ZNF74: variants seen among roughly 807,000 people sequenced by gnomAD.
ZNF74 encodes zinc finger protein 520.
In ZNF74, 12 loss-of-function variants were observed where a neutral mutation model predicts 17.7. That is an observed-to-expected ratio of 0.68 (90% CI 0.43 to 1.10). The LOEUF (loss-of-function observed/expected upper bound fraction) is 1.10. Among genes scored for constraint, ZNF74 ranks in the 50% least tolerant of loss-of-function variants. The probability of loss-of-function intolerance (pLI) is 0.00; values close to 1 mark genes in which losing one functional copy is unlikely to be tolerated. For synonymous variants in ZNF74, 358 were observed against 362.1 expected (o/e 0.99, Z 0.13); for missense variants, 811 against 881.0 (o/e 0.92, Z 1.01).
Position 20,406,245 on chromosome 22 carries a change from C to T in ZNF74, c.1212C>T (p.Thr404=), listed in dbSNP as rs1445115056. The T allele has an allele frequency of 1.2e-5, 20 of 1,612,314 alleles. No homozygotes were observed. The highest frequency in any genetic ancestry group is 1.7e-5 in the Non-Finnish European group (20 of 1,179,888). ...CCTTCACCTGCCACTCATCCCTCAC[C>T]GTGCATGAGAAGATCCACAGCGGGG... ...GKAFTCHSSL[T]VHEKIHSGDK... The change falls in exon 5 of 5, where the codon ACC becomes ACT. Residue 404 remains threonine, a synonymous_variant. Coordinates refer to ENST00000400451, the MANE Select transcript of ZNF74 (RefSeq NM_003426.4).
At position 20,400,672 on chromosome 22, in the gene ZNF74, A is replaced by G; in HGVS notation, c.161A>G (p.Gln54Arg). The change falls in exon 3 of 5, where the codon CAG becomes CGG. Residue 54 changes from glutamine to arginine, a missense_variant. Physicochemically the swap from Gln to Arg is conservative, Grantham distance 43. Coordinates refer to ENST00000400451, the MANE Select transcript of ZNF74 (RefSeq NM_003426.4). ...SFKDVAVDFT[Q>R]EEWGQLDSPQ... ...AAGGATGTGGCTGTGGACTTCACCC[A>G]GGAGGAGTGGGGTCAACTAGACTCC... The G allele has an allele frequency of 6.2e-7, 1 of 1,614,140 alleles. No individual in the cohort carries two copies. The highest frequency in any genetic ancestry group is 8.5e-7 in the Non-Finnish European group (1 of 1,179,990).
intron 1 of ZNF74, 59 bp downstream of exon 1, chr22:20,394,721 C>G (rs956066042): frequency 9.1e-6 from 14 of 1,531,970 alleles, no homozygotes; most frequent in Non-Finnish European, 1.3e-5. Flanking sequence ...GATATTGACA[C>G]TCAGAGAGAT....
At position 20,406,870 on chromosome 22, in the gene ZNF74, G is replaced by C. The variant is rs752701080; in HGVS notation, c.1837G>C (p.Val613Leu). The C allele has an allele frequency of 1.2e-6, 2 of 1,614,088 alleles. No homozygotes were observed. The highest frequency in any genetic ancestry group is 3.3e-5 in the Admixed American group (2 of 60,030). Residue 613 changes from valine (V) to leucine (L), a missense_variant, in exon 5 of 5, where the codon GTG becomes CTG. Transcript: ENST00000400451. ...TGCAGGGGATGCTGGACTGAGGGAC[G>C]TGGATCCCATCGACGCGCTGGATGT... ...LGAGDAGLRD[V>L]DPIDALDVAK...
intron 4 of ZNF74, among the ~76,000 whole-genome samples, chr22:20,403,792 C>T (rs575505156): frequency 1.6e-4 from 25 of 152,262 alleles, no homozygotes; most frequent in East Asian, 1.5e-3. Context: ...CCCCGCCCCC[C>T]GTCAAGACAC....
In ZNF74 at chr22:20,395,325, T is replaced by C. The variant is rs1310380503; in HGVS notation, c.35-8T>C. ...AGCCGTGACCTTGACTCATTTCTCCTTCGCCAGCTCTTTCCTCTCAGGATC... is the reference window on the plus strand; with the variant it reads ...AGCCGTGACCTTGACTCATTTCTCCCTCGCCAGCTCTTTCCTCTCAGGATC... On this transcript the variant is annotated splice_region_variant and splice_polypyrimidine_tract_variant and intron_variant, in intron 1 of 4. Transcript: ENST00000400451. The C allele has an allele frequency of 6.3e-7, 1 of 1,592,136 alleles. No individual in the cohort carries two copies. The highest frequency in any genetic ancestry group is 2.3e-5 in the East Asian group (1 of 44,232).
Position 20,406,374 on chromosome 22 carries a change from C to T in ZNF74, c.1341C>T (p.Ala447=), listed in dbSNP as rs1163257075. 2.0e-5 allele frequency: 32 copies of T among 1,613,422 alleles called. No individual in the cohort carries two copies. The highest frequency in any genetic ancestry group is 2.7e-5 in the Non-Finnish European group (32 of 1,179,880). ...CGGGCGAGAAGCCCTTCAAGTGCGC[C>T]GACTGCGGGAAGGGCTTCAGCTGCC... The part of the protein sequence containing the change: ...THTGEKPFKC[A]DCGKGFSCHA... The change falls in exon 5 of 5, where the codon GCC becomes GCT. Residue 447 remains alanine (A), a synonymous_variant. Transcript: ENST00000400451.
At position 20,395,725 on chromosome 22, in the gene ZNF74, C is replaced by T. The variant is rs573309674; in HGVS notation, c.120+307C>T. Among the ~76,000 whole-genome samples, 20 of 152,298 alleles carry T rather than the reference C, an allele frequency of 1.3e-4. 1 individual carries two copies. The highest frequency in any genetic ancestry group is 3.3e-4 in the Admixed American group (5 of 15,298). ...TAGTGGAATCTGAGAAAGTAGTTGA[C>T]GGCTCACATGGGGTCGCTTTGCCTA... On this transcript the variant is annotated intron_variant, in intron 2 of 4. Coordinates refer to ENST00000400451, the MANE Select transcript of ZNF74 (RefSeq NM_003426.4).
chr22:20,404,028 C>T (rs948622569), intron 4 of ZNF74, among the ~76,000 whole-genome samples: 8 of 152,208 alleles, frequency 5.3e-5, no homozygotes, highest in African/African-American at 1.7e-4. Context: ...GTTCCACTTG[C>T]CCTGCTCTTC....
chr22:20,399,309 A>G (rs1245107544), intron 2 of ZNF74, among the ~76,000 whole-genome samples: 1 of 151,892 alleles, frequency 6.6e-6, no homozygotes, highest in African/African-American at 2.4e-5. Context: ...TTTTATCATT[A>G]TGTAATATTC....
At position 20,406,748 on chromosome 22, in the gene ZNF74, C is replaced by T; in HGVS notation, c.1715C>T (p.Thr572Ile). 1.9e-6 allele frequency: 3 copies of T among 1,614,154 alleles called. No homozygotes were observed. The highest frequency in any genetic ancestry group is 2.5e-6 in the Non-Finnish European group (3 of 1,180,030). ...ATGTTCAACTGGAGCTCGCACCTCA[C>T]TGAGCACCAGAGGCTGCACAGCGAG... ...GEMFNWSSHL[T>I]EHQRLHSEGK... The change falls in exon 5 of 5, where the codon ACT becomes ATT. Residue 572 changes from threonine to isoleucine, a missense_variant. Coordinates refer to ENST00000400451, the MANE Select transcript of ZNF74 (RefSeq NM_003426.4).
chr22:20,400,599 C>A (rs1304410213), intron 2 of ZNF74, 33 bp from the exon 3 acceptor site: 1 of 1,613,760 alleles, frequency 6.2e-7, no homozygotes. Flanking sequence ...GACACAGAAT[C>A]AGTCCTGGGT....
chr22:20,405,641 A>T lies in ZNF74; in HGVS notation c.608A>T (p.Asn203Ile). ...GGACCCTTGCTGGACACACGCAAGA[A>T]CGTCCAGGCCACTGAGGGCAGAACC... ...EGGPLLDTRK[N>I]VQATEGRTKA... Residue 203 changes from asparagine to isoleucine, a missense_variant, in exon 5 of 5, where the codon AAC becomes ATC. By Grantham distance (149) the Asn-to-Ile change is moderately radical. Transcript: ENST00000400451. The T allele has an allele frequency of 6.2e-7, 1 of 1,613,130 alleles. No homozygotes were observed. The highest frequency in any genetic ancestry group is 8.5e-7 in the Non-Finnish European group (1 of 1,179,606).
chr22:20,405,747 G>T lies in ZNF74; in HGVS notation c.714G>T (p.Gln238His). ...AAAAGTTCCCCCAGGTGCGCCGGCA[G>T]CGCGGGGCGGGCGCCGGGGAGGGCG... ...EPEKFPQVRR[Q>H]RGAGAGEGEF... Residue 238 changes from glutamine (Q) to histidine (H), a missense_variant, in exon 5 of 5, where the codon CAG (glutamine) becomes CAT (histidine). By Grantham distance (24) the Gln-to-His change is conservative. This residue lies in a region of ZNF74 where 666 missense variants were observed against 702.3 expected (regional missense o/e 0.95). Coordinates refer to ENST00000400451, the MANE Select transcript of ZNF74 (RefSeq NM_003426.4). 6.9e-6 allele frequency: 11 copies of T among 1,604,920 alleles called. No homozygotes were observed. The highest frequency in any genetic ancestry group is 9.4e-6 in the Non-Finnish European group (11 of 1,176,310).
rs117562299 is a variant in ZNF74, at chr22:20,401,223, C to A, written c.248-54C>A. On this transcript the variant is annotated intron_variant, in intron 3 of 4. Coordinates refer to ENST00000400451, the MANE Select transcript of ZNF74 (RefSeq NM_003426.4). The surrounding 1 kb of genome is among the most constrained non-coding windows in gnomAD (Gnocchi z 4.2). Reference sequence around the variant, plus strand: ...CTTGTTAGGGGGCGGCCTGTAAGGTCGACTGGGCCTGGAGAGCTGCAGCAT... The same window carrying A: ...CTTGTTAGGGGGCGGCCTGTAAGGTAGACTGGGCCTGGAGAGCTGCAGCAT... 7 of 1,284,236 alleles carry A rather than the reference C, an allele frequency of 5.5e-6. No individual in the cohort carries two copies. Among genetic ancestry groups the A allele is most frequent in the Middle Eastern group, 1.8e-4 (1 of 5,412 alleles). The allele number at this position is 1,284,236 out of a possible 1,614,324, so 79.6% of individuals were successfully genotyped here. A position where few individuals can be genotyped will look rare whatever the true frequency, so the allele number is the denominator to read the frequency against.
At chr22:20,400,846 C>A in intron 3 of ZNF74, 88 bp downstream of exon 3, 1 of 1,483,426 alleles carries the variant, frequency 6.7e-7, no homozygotes, top group Non-Finnish European at 9.2e-7. Flanking sequence ...CAGTGCCGGC[C>A]CTGGTGCCAG....
At chr22:20,405,268 C>A in intron 4 of ZNF74, 109 bp from the exon 5 acceptor site, 1 of 1,223,832 alleles carries the variant, frequency 8.2e-7, no homozygotes, top group Non-Finnish European at 1.1e-6. Context: ...GCCCTGGTGG[C>A]CTCTCCTCTC....
At chr22:20,404,772 G>A (rs2052394269) in intron 4 of ZNF74, among the ~76,000 whole-genome samples, 1 of 152,142 alleles carries the variant, frequency 6.6e-6, no homozygotes, top group South Asian at 2.1e-4. Context: ...GGTGTGGGGA[G>A]CCCTTTTTTC....
In ZNF74 at chr22:20,394,366, GC is replaced by G; in HGVS notation, c.-261del. On this transcript the variant is annotated 5_prime_UTR_variant, in exon 1 of 5. An upstream open reading frame in the 5' UTR loses its in-frame stop. Coordinates refer to ENST00000400451, the MANE Select transcript of ZNF74 (RefSeq NM_003426.4). ...CGGGAGGAGCGTGTGGCGGGGGTGT[GC>G]CGGGGCGTGAGTGCGCCGAGCATGG... 1.5e-6 allele frequency: 1 copy of G among 683,422 alleles called. No individual in the cohort carries two copies. Among genetic ancestry groups the G allele is most frequent in the Non-Finnish European group, 2.7e-6 (1 of 371,640 alleles). The allele number at this position is 683,422 out of a possible 1,614,324, so 42.3% of individuals were successfully genotyped here. A position where few individuals can be genotyped will look rare whatever the true frequency, so the allele number is the denominator to read the frequency against.
In ZNF74 at chr22:20,407,161, C is replaced by T; in HGVS notation, c.*193C>T. 1 of 795,006 alleles carries T rather than the reference C, an allele frequency of 1.3e-6. No individual in the cohort carries two copies. Among genetic ancestry groups the T allele is most frequent in the African/African-American group, 1.7e-5 (1 of 57,520 alleles). 49.2% of individuals were successfully genotyped at this position (795,006 alleles called of 1,614,324 possible). A position where few individuals can be genotyped will look rare whatever the true frequency, so the allele number is the denominator to read the frequency against. On this transcript the variant is annotated 3_prime_UTR_variant, in exon 5 of 5. Coordinates refer to ENST00000400451, the MANE Select transcript of ZNF74 (RefSeq NM_003426.4). ...GTCACCTCCCCAGAAGGGCCACACT[C>T]CAGGAGGAGTGTTGAGAGTCATTTG...
Sources: allele counts gnomAD v4.1 joint callset (sites outside exome capture counted in the v4.1 genomes callset), GRCh38; gene constraint gnomAD v4.1.1; regional missense constraint gnomAD v4.1.1; non-coding constraint Gnocchi (gnomAD v3.1); transcripts MANE v1.5; gene names NCBI Gene and HGNC (gene_info 2026-07-23, HGNC 2026-07-21).